Variants in CHIC1 observed in about 807,000 individuals in gnomAD.
CHIC1 encodes the protein cysteine rich hydrophobic domain 1, also known as cysteine-rich hydrophobic domain-containing protein 1.
In CHIC1, 7 loss-of-function variants were observed where a neutral mutation model predicts 18.5. The ratio of observed to expected loss-of-function variants is 0.38; its 90% CI spans 0.22 to 0.71. The LOEUF (loss-of-function observed/expected upper bound fraction) is 0.71. CHIC1 is among the 30% of genes least tolerant of loss of function. The probability of loss-of-function intolerance (pLI) is 0.49; values close to 1 mark genes in which losing one functional copy is unlikely to be tolerated. For synonymous variants in CHIC1, 77 were observed against 73.5 expected (o/e 1.05, Z -0.25); for missense variants, 159 against 176.9 (o/e 0.90, Z 0.57).
At chrX:73,643,812 A>T (rs973312141) in intron 3 of CHIC1, among the ~76,000 whole-genome samples, 4 of 111,305 alleles carry the variant, frequency 3.6e-5, no homozygotes, top group Non-Finnish European at 7.5e-5. Flanking sequence ...CTTTGGTTTG[A>T]ATTTCCTCCT....
At chrX:73,607,527 T>C (rs1393448894) in intron 3 of CHIC1, among the ~76,000 whole-genome samples, 2 of 106,184 alleles carry the variant, frequency 1.9e-5, no homozygotes, top group African/African-American at 7.4e-5. Flanking sequence ...GCCACTGGGG[T>C]ATGAAAAAAA....
chrX:73,639,695 G>T (rs926040850), intron 3 of CHIC1, among the ~76,000 whole-genome samples: 2 of 111,416 alleles, frequency 1.8e-5, no homozygotes, highest in Non-Finnish European at 3.8e-5. Context: ...TTTATATGAT[G>T]TAGGAAAGTG....
intron 3 of CHIC1, among the ~76,000 whole-genome samples, chrX:73,659,887 G>A (rs777695108): frequency 2.3e-4 from 26 of 111,526 alleles, no homozygotes; most frequent in African/African-American, 7.5e-4. Flanking sequence ...TTACCCTATC[G>A]GCCCAAATTA....
intron 3 of CHIC1, among the ~76,000 whole-genome samples, chrX:73,657,061 ATT>A (rs36102598): frequency 2.3e-5 from 2 of 88,621 alleles, no homozygotes; most frequent in Admixed American, 1.3e-4. Flanking sequence ...TCTTTTTTTA[ATT>A]TTTTTTTTTT....
chrX:73,657,306 G>T (rs914499849), intron 3 of CHIC1, among the ~76,000 whole-genome samples: 1 of 110,637 alleles, frequency 9.0e-6, no homozygotes, highest in Non-Finnish European at 1.9e-5. Context: ...TGATCCACCC[G>T]CCTCAGCCTC....
At chrX:73,613,666 A>C (rs1456161268) in intron 3 of CHIC1, among the ~76,000 whole-genome samples, 1 of 111,813 alleles carries the variant, frequency 8.9e-6, no homozygotes, top group African/African-American at 3.3e-5. Flanking sequence ...TTGATTCATA[A>C]TTTTTTATTC....
chrX:73,673,775 C>G (rs1295192298), intron 3 of CHIC1, among the ~76,000 whole-genome samples: 2 of 111,775 alleles, frequency 1.8e-5, no homozygotes, highest in African/African-American at 3.3e-5. Context: ...GCCAGAACTT[C>G]CAACACTATG....
chrX:73,676,044 A>G (rs1466465306), intron 3 of CHIC1, among the ~76,000 whole-genome samples: 2 of 111,896 alleles, frequency 1.8e-5, no homozygotes, highest in Non-Finnish European at 3.8e-5. Flanking sequence ...TTCTTTAAGA[A>G]TGCTGAATAT....
chrX:73,587,377 C>G (rs1217588451), intron 3 of CHIC1, among the ~76,000 whole-genome samples: 3 of 111,674 alleles, frequency 2.7e-5, no homozygotes, highest in Admixed American at 9.5e-5. Context: ...TTTTCATTTA[C>G]TTGTTCTTCT....
chrX:73,670,237 T>A (rs1169847097), intron 3 of CHIC1, among the ~76,000 whole-genome samples: 1 of 111,617 alleles, frequency 9.0e-6, no homozygotes, highest in Non-Finnish European at 1.9e-5. Context: ...TGTCGAGTTA[T>A]TTCTCTAATC....
chrX:73,572,141 C>T (rs765213027), intron 1 of CHIC1, among the ~76,000 whole-genome samples: 10 of 111,023 alleles, frequency 9.0e-5, no homozygotes, highest in Non-Finnish European at 1.3e-4. Flanking sequence ...TCCACAGTGT[C>T]TATTATTCCC....
chrX:73,590,167 T>C (rs1277059503), intron 3 of CHIC1, among the ~76,000 whole-genome samples: 1 of 111,243 alleles, frequency 9.0e-6, no homozygotes, highest in Non-Finnish European at 1.9e-5. Flanking sequence ...CAAATTAATA[T>C]CTGGTGTCAC....
At chrX:73,630,243 ATTAAC>A (rs1316984116) in intron 3 of CHIC1, among the ~76,000 whole-genome samples, 1 of 111,303 alleles carries the variant, frequency 9.0e-6, no homozygotes, top group East Asian at 2.8e-4. Context: ...TTTAATTTTA[ATTAAC>A]TTATTTATTT....
chrX:73,633,878 C>T (rs1244704508), intron 3 of CHIC1, among the ~76,000 whole-genome samples: 1 of 110,352 alleles, frequency 9.1e-6, no homozygotes, highest in African/African-American at 3.3e-5. Flanking sequence ...TCCAGGATTT[C>T]TGGGTTTTTT....
chrX:73,577,030 A>T (rs1029939457), intron 1 of CHIC1, among the ~76,000 whole-genome samples: 6 of 110,287 alleles, frequency 5.4e-5, no homozygotes, highest in Non-Finnish European at 9.6e-5. Context: ...GTATAATGAA[A>T]TCCCACATAG....
intron 3 of CHIC1, among the ~76,000 whole-genome samples, chrX:73,676,246 T>A (rs1384865528): frequency 1.8e-5 from 2 of 111,423 alleles, no homozygotes; most frequent in African/African-American, 6.5e-5. Flanking sequence ...CTTTGTGGCA[T>A]TCTCTGTATT....
At chrX:73,661,557 G>A (rs2057980497) in intron 3 of CHIC1, among the ~76,000 whole-genome samples, 1 of 111,782 alleles carries the variant, frequency 8.9e-6, no homozygotes, top group South Asian at 3.7e-4. Context: ...ATTGCCATTA[G>A]CCAATGGGCC....
At chrX:73,634,957 T>C (rs939440513) in intron 3 of CHIC1, among the ~76,000 whole-genome samples, 1 of 111,167 alleles carries the variant, frequency 9.0e-6, no homozygotes, top group Admixed American at 9.5e-5. Flanking sequence ...TTTCAGGATT[T>C]TTGCTGTATT....
At chrX:73,613,779 T>G (rs950113352) in intron 3 of CHIC1, among the ~76,000 whole-genome samples, 5 of 111,119 alleles carry the variant, frequency 4.5e-5, no homozygotes, top group Admixed American at 3.8e-4. Flanking sequence ...GATTTCTGGT[T>G]GTTTTATATA....
Sources: allele counts gnomAD v4.1 joint callset (sites outside exome capture counted in the v4.1 genomes callset), GRCh38; gene constraint gnomAD v4.1.1; transcripts MANE v1.5; gene names NCBI Gene and HGNC (gene_info 2026-07-23, HGNC 2026-07-21).